The following COG6 variants were observed in gnomAD, a reference collection of about 807,000 sequenced individuals.
COG6 encodes the protein component of oligomeric golgi complex 6.
Under a neutral mutation model 88.8 loss-of-function variants are expected in COG6, and 74 were observed. That is an observed-to-expected ratio of 0.83 (90% CI 0.69 to 1.01). The LOEUF (loss-of-function observed/expected upper bound fraction) is 1.01, where lower values mean the gene tolerates loss of function less well. COG6 is among the 50% of genes least tolerant of loss of function. COG6 has a pLI of 0.00. For synonymous variants in COG6, 286 were observed against 278.7 expected, an observed-to-expected ratio of 1.03 and a Z score of -0.26; for missense variants, 800 against 797.9, an observed-to-expected ratio of 1.00 and a Z score of -0.03.
intron 18 of COG6, among the ~76,000 whole-genome samples, chr13:39,758,011 A>G (rs1209669809): frequency 6.6e-6 from 1 of 151,522 alleles, no homozygotes; most frequent in Non-Finnish European, 1.5e-5. Flanking sequence ...CATGAAGTCA[A>G]GAGATCGAGA....
chr13:39,719,893 G>C (rs1333196276), intron 15 of COG6, 66 bp downstream of exon 15: 2 of 1,295,998 alleles, frequency 1.5e-6, no homozygotes, highest in Admixed American at 1.7e-5. Flanking sequence ...ATAGCTTTAA[G>C]TTATTGGCTT....
chr13:39,721,312 C>T (rs1031334311), intron 15 of COG6, among the ~76,000 whole-genome samples: 1 of 152,166 alleles, frequency 6.6e-6, no homozygotes. Flanking sequence ...TATGTCCTTG[C>T]TTATTTTTGC....
chr13:39,705,824 C>T (rs1386465946), intron 13 of COG6, among the ~76,000 whole-genome samples: 2 of 151,974 alleles, frequency 1.3e-5, no homozygotes, highest in East Asian at 3.9e-4. Flanking sequence ...TGCTCCAGAC[C>T]TACTGAATTG....
chr13:39,782,242 T>C (rs1881650964), intron 18 of COG6, among the ~76,000 whole-genome samples: 1 of 152,152 alleles, frequency 6.6e-6, no homozygotes, highest in African/African-American at 2.4e-5. Context: ...TTCCAGCCAA[T>C]ATGGAGTAAC....
intron 2 of COG6, among the ~76,000 whole-genome samples, chr13:39,659,875 G>A (rs1425224039): frequency 1.3e-5 from 2 of 152,068 alleles, no homozygotes; most frequent in African/African-American, 2.4e-5. Flanking sequence ...TTAGAATTGA[G>A]TTACTTTTAC....
chr13:39,682,334 A>G lies in COG6; in HGVS notation c.788+70A>G, dbSNP rs371884457. The G allele has an allele frequency of 4.5e-5, 39 of 868,180 alleles. No homozygotes were observed. The East Asian group carries it at 6.7e-4, about 15-fold the overall frequency. The allele number at this position is 868,180 out of a possible 1,614,324, so 53.8% of individuals were successfully genotyped here. A position where few individuals can be genotyped will look rare whatever the true frequency, so the allele number is the denominator to read the frequency against. On this transcript the variant is annotated intron_variant, in intron 8 of 18. Coordinates refer to ENST00000455146, the MANE Select transcript of COG6 (RefSeq NM_020751.3). ...TTGATATCTTACTTTAAATTTTAGT[A>G]TTATCAAAAGCGTATATAATAGTTT...
At chr13:39,717,735 T>C (rs1015073657) in intron 13 of COG6, among the ~76,000 whole-genome samples, 4 of 152,058 alleles carry the variant, frequency 2.6e-5, no homozygotes, top group African/African-American at 9.7e-5. Flanking sequence ...CTTGGTGGCA[T>C]GTGCCTGTAG....
intron 5 of COG6, chr13:39,679,294 C>T: frequency 2.1e-6 from 1 of 466,252 alleles, no homozygotes; most frequent in Non-Finnish European, 3.9e-6. Flanking sequence ...ATTTTATTTT[C>T]CTGGCAACTG....
At chr13:39,782,335 A>G (rs1276901594) in intron 18 of COG6, among the ~76,000 whole-genome samples, 1 of 152,238 alleles carries the variant, frequency 6.6e-6, no homozygotes, top group Non-Finnish European at 1.5e-5. Context: ...ACTGGACAAC[A>G]GGTAGCTTAA....
rs547716955 is a variant in COG6 at position 39,655,997 on chromosome 13, A to T, written c.153+118A>T. Reference sequence around the variant, plus strand: ...TCGTCCCGGCAGCAGAGGGACCGCGAGTGACCCCAGACCTGCGGGCTCCGC... The same window carrying T: ...TCGTCCCGGCAGCAGAGGGACCGCGTGTGACCCCAGACCTGCGGGCTCCGC... On this transcript the variant is annotated intron_variant, in intron 1 of 18. Coordinates refer to ENST00000455146, the MANE Select transcript of COG6 (RefSeq NM_020751.3). The T allele has an allele frequency of 2.3e-6, 3 of 1,282,938 alleles. No individual in the cohort carries two copies. In the African/African-American group the frequency reaches 4.4e-5, roughly 19 times the overall value. 79.5% of individuals were successfully genotyped at this position (1,282,938 alleles called of 1,614,324 possible).
At chr13:39,686,797 A>G (rs995709524) in intron 8 of COG6, among the ~76,000 whole-genome samples, 3 of 152,072 alleles carry the variant, frequency 2.0e-5, no homozygotes, top group Admixed American at 6.6e-5. Flanking sequence ...TGGAGCAGTC[A>G]CTGCTAACTG....
At chr13:39,712,479 C>A (rs779003592) in intron 13 of COG6, among the ~76,000 whole-genome samples, 2 of 152,122 alleles carry the variant, frequency 1.3e-5, no homozygotes, top group Non-Finnish European at 2.9e-5. Flanking sequence ...TGTAACTATG[C>A]TGCAGGAACA....
chr13:39,761,282 GTTACAC>G (rs1042462495), intron 18 of COG6, among the ~76,000 whole-genome samples: 3 of 151,882 alleles, frequency 2.0e-5, no homozygotes, highest in African/African-American at 7.3e-5. Flanking sequence ...CTATTCTTAA[GTTACAC>G]TTAAACTTAT....
intron 3 of COG6, among the ~76,000 whole-genome samples, chr13:39,664,691 G>C (rs1875134043): frequency 6.6e-6 from 1 of 152,138 alleles, no homozygotes; most frequent in Non-Finnish European, 1.5e-5. Flanking sequence ...TTTCTATTGA[G>C]CTCCACACTA....
At position 39,659,508 on chromosome 13, in the gene COG6, G is replaced by T; in HGVS notation, c.297+1G>T. 1.2e-6 allele frequency: 2 copies of T among 1,611,682 alleles called. No homozygotes were observed. Among genetic ancestry groups the T allele is most frequent in the Non-Finnish European group, 1.7e-6 (2 of 1,178,520 alleles). ...AAGCATTTTCAAGGAAGTGAAGGAGGTATGTAAACTCTTTTCATTTAGCAT... is the reference window on the plus strand; with the variant it reads ...AAGCATTTTCAAGGAAGTGAAGGAGTTATGTAAACTCTTTTCATTTAGCAT... On this transcript the variant is annotated splice_donor_variant, in intron 2 of 18. Coordinates refer to ENST00000455146, the MANE Select transcript of COG6 (RefSeq NM_020751.3). LOFTEE classifies it high-confidence loss of function.
chr13:39,728,495 G>A (rs1879258929), intron 18 of COG6, among the ~76,000 whole-genome samples: 1 of 151,248 alleles, frequency 6.6e-6, no homozygotes, highest in South Asian at 2.1e-4. Flanking sequence ...CTCAGACACA[G>A]AGTTAGGAAA....
At chr13:39,762,629 A>G (rs192919339) in intron 18 of COG6, among the ~76,000 whole-genome samples, 24 of 137,852 alleles carry the variant, frequency 1.7e-4, no homozygotes, top group Non-Finnish European at 3.4e-4. Flanking sequence ...CCCCATAAAT[A>G]AGTACAATTA....
At chr13:39,668,616 A>G (rs1184776075) in intron 4 of COG6, among the ~76,000 whole-genome samples, 1 of 151,914 alleles carries the variant, frequency 6.6e-6, no homozygotes, top group Non-Finnish European at 1.5e-5. Flanking sequence ...GTGAAACCCC[A>G]TCTCTATTAA....
At chr13:39,719,870 TTTTCTC>T (rs1331477715) in intron 15 of COG6, 43 bp downstream of exon 15, 2 of 1,475,192 alleles carry the variant, frequency 1.4e-6, no homozygotes, top group African/African-American at 1.4e-5. Flanking sequence ...GATTGAATCT[TTTTCTC>T]TATGTGATAG....
Sources: gnomAD v4.1 joint callset for allele counts (sites outside exome capture counted in the v4.1 genomes callset) on GRCh38, gnomAD v4.1.1 for gene constraint, MANE v1.5 for transcripts, NCBI Gene and HGNC (gene_info 2026-07-23, HGNC 2026-07-21) for gene names.